The following PRICKLE2 variants were observed in gnomAD, a reference collection of about 807,000 sequenced individuals.
PRICKLE2 encodes the protein prickle-like protein 2.
A neutral mutation model predicts 81.4 loss-of-function variants in PRICKLE2; 21 were observed. That is an observed-to-expected ratio of 0.26 (90% CI 0.18 to 0.37). The LOEUF is 0.37. Among genes scored for constraint, PRICKLE2 ranks in the 10% least tolerant of loss-of-function variants. PRICKLE2 has a pLI of 1.00. For synonymous variants in PRICKLE2, 456 were observed against 421.5 expected (o/e 1.08, Z -1.00); for missense variants, 940 against 1,109.0 (o/e 0.85, Z 2.16).
chr3:64,098,671 C>G lies in PRICKLE2; in HGVS notation c.*380G>C, dbSNP rs1445524814. 1 of 244,482 alleles carries G rather than the reference C, an allele frequency of 4.1e-6. No homozygotes were observed. The highest frequency in any genetic ancestry group is 8.1e-6 in the Non-Finnish European group (1 of 124,094). 15.1% of individuals were successfully genotyped at this position (244,482 alleles called of 1,614,324 possible). On this transcript the variant is annotated 3_prime_UTR_variant, in exon 8 of 8. Transcript: ENST00000638394. ...ACATGTAAATAACTTAGTCTTGGGT[C>G]CTGGCTAATAAACAAATTACTTACT...
intron 1 of PRICKLE2, among the ~76,000 whole-genome samples, chr3:64,217,665 A>G (rs1038465837): frequency 2.0e-5 from 3 of 152,144 alleles, no homozygotes; most frequent in Admixed American, 6.5e-5. Context: ...TCCTGGGCCA[A>G]CTGTAACTCA....
chr3:64,240,933 C>G (rs1303272485), intron 2 of PRICKLE2, among the ~76,000 whole-genome samples: 2 of 152,140 alleles, frequency 1.3e-5, no homozygotes, highest in African/African-American at 2.4e-5. Flanking sequence ...AGAGGAGCCT[C>G]TGAGGGTCCA....
chr3:64,154,395 A>AG, intron 5 of PRICKLE2: 1 of 151,612 alleles, frequency 6.6e-6, no homozygotes, highest in Non-Finnish European at 1.5e-5. Flanking sequence ...AAAAAAAAAA[A>AG]AATAGCCAGG....
chr3:64,103,805 C>A (rs1575537884), intron 7 of PRICKLE2, among the ~76,000 whole-genome samples: 1 of 152,018 alleles, frequency 6.6e-6, no homozygotes, highest in African/African-American at 2.4e-5. Context: ...CATGGTGAAA[C>A]CCTGTCTCTA....
intron 1 of PRICKLE2, among the ~76,000 whole-genome samples, chr3:64,214,815 G>T (rs2078846426): frequency 6.6e-6 from 1 of 152,168 alleles, no homozygotes; most frequent in Non-Finnish European, 1.5e-5. Context: ...AAGCCTGCTA[G>T]ATGTAGCAAC....
chr3:64,117,442 C>T (rs1158459217), intron 7 of PRICKLE2, among the ~76,000 whole-genome samples: 1 of 152,136 alleles, frequency 6.6e-6, no homozygotes, highest in Non-Finnish European at 1.5e-5. Context: ...GATCCTATAT[C>T]TAAAACATCC....
At chr3:64,166,351 T>C (rs1012119841) in intron 2 of PRICKLE2, among the ~76,000 whole-genome samples, 2 of 152,116 alleles carry the variant, frequency 1.3e-5, no homozygotes, top group Non-Finnish European at 2.9e-5. Context: ...ATTCAGTACT[T>C]TGAAAACTGG....
intron 2 of PRICKLE2, among the ~76,000 whole-genome samples, chr3:64,175,887 T>C (rs181456876): frequency 3.3e-5 from 5 of 152,322 alleles, no homozygotes; most frequent in Non-Finnish European, 5.9e-5. Context: ...TATAATTGCT[T>C]TGGGCTGCTA....
intron 1 of PRICKLE2, among the ~76,000 whole-genome samples, chr3:64,215,636 C>G (rs932117919): frequency 3.0e-4 from 46 of 152,044 alleles, no homozygotes; most frequent in African/African-American, 1.1e-3. Flanking sequence ...ATGTATATTG[C>G]TACAATGATG....
At chr3:64,124,514 C>T (rs1069976) in intron 7 of PRICKLE2, among the ~76,000 whole-genome samples, 87,272 of 151,970 alleles carry the variant, frequency 0.57, 25,436 homozygotes, top group East Asian at 0.84. Flanking sequence ...AATGCCTGAC[C>T]TCAAAGCTTC....
At chr3:64,235,032 A>T (rs1439856174) in intron 2 of PRICKLE2, among the ~76,000 whole-genome samples, 3 of 151,602 alleles carry the variant, frequency 2.0e-5, no homozygotes, top group African/African-American at 7.3e-5. Context: ...GGTATCTCAC[A>T]TTTCTTAGGA....
Position 64,198,850 on chromosome 3 carries a change from T to C in PRICKLE2, c.78A>G (p.Ser26=). The part of the protein sequence containing the change: ...LMFDFQRNST[S]DDDSGCALEE... ...CCAAAGCACAGCCTGAGTCATCATC[T>C]GAGGTCGAGTTCCTCTGAAAGTCAA... The change falls in exon 2 of 8, where the codon TCA becomes TCG. Residue 26 remains serine, a synonymous_variant. Transcript: ENST00000638394. The C allele has an allele frequency of 3.7e-6, 6 of 1,614,182 alleles. No homozygotes were observed. The highest frequency in any genetic ancestry group is 5.1e-6 in the Non-Finnish European group (6 of 1,180,020).
At chr3:64,238,868 C>G (rs2079220392) in intron 2 of PRICKLE2, among the ~76,000 whole-genome samples, 1 of 152,200 alleles carries the variant, frequency 6.6e-6, no homozygotes, top group African/African-American at 2.4e-5. Context: ...CAATCTTGCT[C>G]TGTACAGCGA....
intron 2 of PRICKLE2, among the ~76,000 whole-genome samples, chr3:64,235,935 G>C (rs2079174030): frequency 6.6e-6 from 1 of 152,112 alleles, no homozygotes; most frequent in South Asian, 2.1e-4. Context: ...TTGTGTGTGT[G>C]TAGTTGGGGG....
intron 2 of PRICKLE2, among the ~76,000 whole-genome samples, chr3:64,254,644 T>C (rs184004622): frequency 2.0e-5 from 3 of 152,368 alleles, no homozygotes; most frequent in African/African-American, 7.2e-5. Context: ...GTCCTAGTCA[T>C]TCTTTGAGCC....
intron 2 of PRICKLE2, among the ~76,000 whole-genome samples, chr3:64,261,737 G>A (rs1019609227): frequency 5.9e-5 from 9 of 152,152 alleles, no homozygotes; most frequent in Non-Finnish European, 1.2e-4. Flanking sequence ...ACTGAAGCAC[G>A]GGTGCCAGTA....
At chr3:64,199,945 C>T (rs1329670782) in intron 1 of PRICKLE2, 1 of 152,176 alleles carries the variant, frequency 6.6e-6, no homozygotes, top group African/African-American at 2.4e-5. Flanking sequence ...TTTTAATCCC[C>T]AGATGTGCCT....
rs1269007097 is a variant in PRICKLE2, at chr3:64,153,167, C to A, written c.787+15G>T. ...ATCACAGAAGGACCAAGCTGACTGC[C>A]AAATATTGCCTCACCTATATGTTGG... On this transcript the variant is annotated intron_variant, in intron 6 of 7. Coordinates refer to ENST00000638394, the MANE Select transcript of PRICKLE2 (RefSeq NM_198859.4). 1.9e-6 allele frequency: 3 copies of A among 1,613,578 alleles called. No homozygotes were observed. In the South Asian group the frequency reaches 3.3e-5, roughly 18 times the overall value.
At chr3:64,235,069 T>C (rs908791793) in intron 2 of PRICKLE2, among the ~76,000 whole-genome samples, 1 of 152,196 alleles carries the variant, frequency 6.6e-6, no homozygotes, top group African/African-American at 2.4e-5. Flanking sequence ...TTCACTCTCT[T>C]TTCTCTGCTC....
Sources: gnomAD v4.1 joint callset for allele counts (sites outside exome capture counted in the v4.1 genomes callset) on GRCh38, gnomAD v4.1.1 for gene constraint, MANE v1.5 for transcripts, NCBI Gene and HGNC (gene_info 2026-07-23, HGNC 2026-07-21) for gene names.